Variants in TRPM5 observed in about 807,000 individuals in gnomAD.
The protein encoded by TRPM5 is MLSN1 and TRP-related.
In TRPM5, 121 loss-of-function variants were observed where a neutral mutation model predicts 124.9. That is an observed-to-expected ratio of 0.97 (90% CI 0.84 to 1.13). The LOEUF (loss-of-function observed/expected upper bound fraction) is 1.13, where lower values mean the gene tolerates loss of function less well. Ranked by LOEUF, TRPM5 falls within the 50% of genes most tolerant of loss-of-function variation. The probability of loss-of-function intolerance (pLI) is 0.00; values close to 1 mark genes in which losing one functional copy is unlikely to be tolerated. For synonymous variants in TRPM5, 781 were observed against 700.5 expected (o/e 1.11, Z -1.81); for missense variants, 1,643 against 1,589.1 (o/e 1.03, Z -0.58).
At chr11:2,438,291 T>G in the TRPM5 span, among the ~76,000 whole-genome samples, 1 of 152,146 alleles carries the variant, frequency 6.6e-6, no homozygotes. The surrounding 1 kb of genome is among the most constrained non-coding windows in gnomAD (Gnocchi z 5.9). Flanking sequence ...GACAAGGATG[T>G]ACACTCTCAC....
At chr11:2,431,383 G>A in the TRPM5 span, among the ~76,000 whole-genome samples, 1 of 152,130 alleles carries the variant, frequency 6.6e-6, no homozygotes, top group Non-Finnish European at 1.5e-5. Flanking sequence ...CTGTGTCGTT[G>A]CCCTACAGCA....
chr11:2,434,570 G>A, the TRPM5 span, among the ~76,000 whole-genome samples: 1 of 151,324 alleles, frequency 6.6e-6, no homozygotes, highest in African/African-American at 2.4e-5. Context: ...TAGGTACGCT[G>A]TGTCTGTGTG....
the TRPM5 span, among the ~76,000 whole-genome samples, chr11:2,436,610 G>A: frequency 6.6e-6 from 1 of 152,154 alleles, no homozygotes. Flanking sequence ...TTGTGGGGCT[G>A]GTCCCCAGCA....
chr11:2,421,311 T>C (rs1845769457), intron 2 of TRPM5, 113 bp from the exon 8 acceptor site: 1 of 1,336,240 alleles, frequency 7.5e-7, no homozygotes, highest in African/African-American at 1.5e-5. Flanking sequence ...GAGCCAGGGG[T>C]GGGTGCTGGG....
At chr11:2,418,538 T>C (rs900320985) in exon 5 of TRPM5, 3 of 1,611,482 alleles carry the variant, frequency 1.9e-6, no homozygotes, top group Non-Finnish European at 2.5e-6. Context: ...TCCAAGGTGT[T>C]GGGATCACCA....
chr11:2,414,563 C>T (rs1315192249), intron 11 of TRPM5, 152 bp downstream of exon 16: 37 of 1,167,866 alleles, frequency 3.2e-5, no homozygotes, highest in Admixed American at 5.9e-5. Context: ...CAGGCAGAGC[C>T]GTCTGTCCTC....
At chr11:2,442,928 T>G in the TRPM5 span, among the ~76,000 whole-genome samples, 699 of 152,366 alleles carry the variant, frequency 4.6e-3, 5 homozygotes, top group South Asian at 8.9e-3. The surrounding 1 kb of genome is among the most constrained non-coding windows in gnomAD (Gnocchi z 5.9). Context: ...GTTCCTCACC[T>G]CAGTTTTGAT....
chr11:2,430,357 G>C, the TRPM5 span, among the ~76,000 whole-genome samples: 4 of 152,166 alleles, frequency 2.6e-5, no homozygotes. Flanking sequence ...AGTTTGCTGA[G>C]GCCACCCCAG....
chr11:2,414,009 G>GGGGGGGGCCCCCCCCCCCCCCCCCCCCCC, intron 12 of TRPM5, 52 bp downstream of exon 17: 1 of 1,023,732 alleles, frequency 9.8e-7, no homozygotes, highest in Middle Eastern at 3.1e-4. Flanking sequence ...GGCCCAGCTC[G>GGGGGGGGCCCCCCCCCCCCCCCCCCCCCC]CCCGCCCACC....
chr11:2,440,122 T>A, the TRPM5 span, among the ~76,000 whole-genome samples: 3 of 151,362 alleles, frequency 2.0e-5, no homozygotes, highest in Non-Finnish European at 2.9e-5. The surrounding 1 kb of genome is among the most constrained non-coding windows in gnomAD (Gnocchi z 5.2). Context: ...AGTGGGAAAG[T>A]GGGAACTAAA....
At chr11:2,423,055 AGGGATACCCTGGCCCTTG>A, upstream of TRPM5, 1 of 1,597,306 alleles carries the variant, frequency 6.3e-7, no homozygotes, top group South Asian at 1.1e-5. Flanking sequence ...CTAGAGCTGC[AGGGATACCCTGGCCCTTG>A]AGGGCTGAGA....
chr11:2,422,073 C>T (rs1480972606), intron 2 of TRPM5, 68 bp downstream of exon 7: 15 of 1,447,724 alleles, frequency 1.0e-5, no homozygotes, highest in South Asian at 2.8e-5. Flanking sequence ...TGCCGGGTTG[C>T]GGGGACAGTC....
At position 2,410,251 on chromosome 11, in the gene TRPM5, G is replaced by A. The variant is rs879639425; in HGVS notation, c.2782+1101C>T. On this transcript the variant is annotated intron_variant, in intron 18 of 23. Coordinates refer to ENST00000155858, the Ensembl canonical transcript of TRPM5. Reference sequence around the variant, plus strand: ...TGGGAGAGGCGGTTTCCATCACGGCGTCGCCCCCGCCTGTCCCCGGAGGCC... The same window carrying A: ...TGGGAGAGGCGGTTTCCATCACGGCATCGCCCCCGCCTGTCCCCGGAGGCC... Among the ~76,000 whole-genome samples, 23 of 152,184 alleles carry A rather than the reference G, an allele frequency of 1.5e-4. No homozygotes were observed. The East Asian group carries it at 1.7e-3, about 11-fold the overall frequency.
exon 8 of TRPM5, chr11:2,416,023 G>C (rs775128441): frequency 1.1e-5 from 17 of 1,595,014 alleles, no homozygotes; most frequent in Non-Finnish European, 1.2e-5. Flanking sequence ...GGCTCTTGCA[G>C]GCTGTGGGCA....
At chr11:2,435,013 C>G in the TRPM5 span, among the ~76,000 whole-genome samples, 5 of 152,174 alleles carry the variant, frequency 3.3e-5, no homozygotes, top group Non-Finnish European at 7.3e-5. This position sits in a 1 kb window ranked among gnomAD's most constrained non-coding sequence, Gnocchi z 4.1. Context: ...GCTGCCCAGA[C>G]TGGCCTCAAA....
intron 3 of TRPM5, 100 bp downstream of exon 8, chr11:2,420,932 T>C: frequency 7.6e-7 from 1 of 1,316,460 alleles, no homozygotes; most frequent in South Asian, 1.5e-5. Flanking sequence ...TTCCTCCAGC[T>C]CGAGTCCTGT....
At chr11:2,406,439 G>A (rs557012700) in intron 21 of TRPM5, among the ~76,000 whole-genome samples, 8 of 152,216 alleles carry the variant, frequency 5.3e-5, no homozygotes, top group African/African-American at 9.6e-5. Flanking sequence ...CAGGGAGGGC[G>A]CCACGGTCAC....
upstream of TRPM5, among the ~76,000 whole-genome samples, chr11:2,424,062 G>T (rs890133547): frequency 2.6e-5 from 4 of 152,212 alleles, no homozygotes; most frequent in African/African-American, 9.6e-5. Context: ...GGTCTCCGTG[G>T]GCCCCCAGCC....
At chr11:2,406,282 C>G (rs1240553832) in intron 21 of TRPM5, among the ~76,000 whole-genome samples, 191 bp from the exon 27 acceptor site, 1 of 152,168 alleles carries the variant, frequency 6.6e-6, no homozygotes, top group African/African-American at 2.4e-5. Context: ...ACAGAGCGCT[C>G]TATGCCTTCC....
Sources: allele counts gnomAD v4.1 joint callset (sites outside exome capture counted in the v4.1 genomes callset), GRCh38; gene constraint gnomAD v4.1.1; non-coding constraint Gnocchi (gnomAD v3.1); transcripts MANE v1.5; gene names NCBI Gene and HGNC (gene_info 2026-07-23, HGNC 2026-07-21).